The following SHISA9 variants were observed in gnomAD, a reference collection of about 807,000 sequenced individuals.
SHISA9 encodes protein shisa-9.
SHISA9 carries 13 observed loss-of-function variants against 38.0 expected under a neutral mutation model. The ratio of observed to expected loss-of-function variants is 0.34; its 90% CI spans 0.22 to 0.54. The LOEUF is 0.54. Ranked by LOEUF, SHISA9 falls within the 20% of genes least tolerant of loss-of-function variation. The pLI, the probability that SHISA9 is intolerant of heterozygous loss-of-function variation, is 0.91. For synonymous variants in SHISA9, 275 were observed against 242.0 expected (o/e 1.14, Z -1.27); for missense variants, 538 against 575.8 (o/e 0.93, Z 0.67).
At chr16:13,379,069 G>A in the SHISA9 span, among the ~76,000 whole-genome samples, 2 of 150,342 alleles carry the variant, frequency 1.3e-5, no homozygotes, top group African/African-American at 4.9e-5. Flanking sequence ...GATCCAGTAA[G>A]CCCTACCCTC....
intron 2 of SHISA9, among the ~76,000 whole-genome samples, chr16:13,006,486 C>A (rs1352165942): frequency 6.6e-6 from 1 of 152,232 alleles, no homozygotes; most frequent in Non-Finnish European, 1.5e-5. Context: ...GACACAGAGA[C>A]TCTGTCTCCA....
chr16:13,301,325 A>T, the SHISA9 span, among the ~76,000 whole-genome samples: 1 of 152,174 alleles, frequency 6.6e-6, no homozygotes, highest in South Asian at 2.1e-4. Flanking sequence ...CCACTTGGAG[A>T]GTCTTGTTAA....
the SHISA9 span, among the ~76,000 whole-genome samples, chr16:13,262,005 A>G: frequency 1.1e-4 from 17 of 152,192 alleles, no homozygotes; most frequent in Admixed American, 8.5e-4. Flanking sequence ...TAATATGACA[A>G]CAGCTTCAAA....
At chr16:13,135,978 T>A (rs2050345157) in intron 2 of SHISA9, among the ~76,000 whole-genome samples, 1 of 152,208 alleles carries the variant, frequency 6.6e-6, no homozygotes, top group African/African-American at 2.4e-5. Context: ...AACTGAGAGT[T>A]CTGGGCCAGG....
chr16:12,966,196 G>A (rs2071975800), intron 2 of SHISA9, among the ~76,000 whole-genome samples: 1 of 152,180 alleles, frequency 6.6e-6, no homozygotes, highest in Non-Finnish European at 1.5e-5. Flanking sequence ...GAAACTGAAT[G>A]TGTTCTGTGC....
the SHISA9 span, among the ~76,000 whole-genome samples, chr16:13,519,114 A>G: frequency 1.3e-5 from 2 of 152,196 alleles, no homozygotes; most frequent in Non-Finnish European, 2.9e-5. Context: ...AGAAAGAAAA[A>G]AACCTCTAAA....
the SHISA9 span, among the ~76,000 whole-genome samples, chr16:13,481,994 A>G: frequency 1.3e-5 from 2 of 152,164 alleles, no homozygotes; most frequent in African/African-American, 4.8e-5. Flanking sequence ...CACTCTTTAC[A>G]TGCATTCCTT....
At chr16:13,129,945 C>G (rs2050292826) in intron 2 of SHISA9, among the ~76,000 whole-genome samples, 1 of 152,218 alleles carries the variant, frequency 6.6e-6, no homozygotes, top group Non-Finnish European at 1.5e-5. Context: ...CTACACACAA[C>G]TGGGAACCCA....
chr16:13,052,861 G>A (rs1265656801), intron 2 of SHISA9, among the ~76,000 whole-genome samples: 2 of 151,962 alleles, frequency 1.3e-5, no homozygotes, highest in African/African-American at 4.8e-5. Context: ...CCCATCTTTG[G>A]TTGGGGAAAC....
chr16:13,197,409 C>G (rs1567244164), intron 2 of SHISA9, among the ~76,000 whole-genome samples: 2 of 152,132 alleles, frequency 1.3e-5, no homozygotes, highest in African/African-American at 4.8e-5. Context: ...GTATTTATAA[C>G]TGAGCATTTT....
At chr16:13,246,148 T>C in the SHISA9 span, among the ~76,000 whole-genome samples, 1 of 152,258 alleles carries the variant, frequency 6.6e-6, no homozygotes, top group Admixed American at 6.5e-5. Flanking sequence ...CCAAATCTTA[T>C]CTTGAATTGT....
At chr16:13,051,584 A>G (rs985827668) in intron 2 of SHISA9, among the ~76,000 whole-genome samples, 3 of 152,130 alleles carry the variant, frequency 2.0e-5, no homozygotes, top group Non-Finnish European at 4.4e-5. Flanking sequence ...CTTCATGGAA[A>G]TTTAGTGGCA....
chr16:12,965,852 GA>G (rs1243999156), intron 2 of SHISA9, among the ~76,000 whole-genome samples: 3 of 152,194 alleles, frequency 2.0e-5, no homozygotes, highest in Non-Finnish European at 4.4e-5. Context: ...TATTGTAATT[GA>G]AATGAATGAC....
In SHISA9 at chr16:13,019,951, CTTT is replaced by C. The variant is rs1567184268; in HGVS notation, c.691+103137_691+103139del. Among the ~76,000 whole-genome samples the C allele has an allele frequency of 4.5e-4, 48 of 106,068 alleles. 1 individual carries two copies. The highest frequency in any genetic ancestry group is 5.4e-4 in the African/African-American group (16 of 29,422). 69.6% of individuals were successfully genotyped at this position (106,068 alleles called of 152,430 possible). A position where few individuals can be genotyped will look rare whatever the true frequency, so the allele number is the denominator to read the frequency against. Reference sequence around the variant, plus strand: ...TCTTTCTTTCTTTCTTTCTTTCTTTCTTTCTTTCCCTCCTTCTTTCCTTCCTTC... The same window carrying C: ...TCTTTCTTTCTTTCTTTCTTTCTTTCCTTTCCCTCCTTCTTTCCTTCCTTC... On this transcript the variant is annotated intron_variant, in intron 2 of 4. Coordinates refer to ENST00000558583, the MANE Select transcript of SHISA9 (RefSeq NM_001145204.3).
chr16:12,934,611 G>A (rs531309323), intron 2 of SHISA9, among the ~76,000 whole-genome samples: 4 of 152,226 alleles, frequency 2.6e-5, no homozygotes, highest in African/African-American at 9.6e-5. Flanking sequence ...TGGCAAATTC[G>A]TTATGTCTCA....
At chr16:12,968,750 C>G (rs937114875) in intron 2 of SHISA9, among the ~76,000 whole-genome samples, 1 of 152,140 alleles carries the variant, frequency 6.6e-6, no homozygotes, top group East Asian at 1.9e-4. Flanking sequence ...ATATTTTAGG[C>G]TTGTGAGTGA....
the SHISA9 span, among the ~76,000 whole-genome samples, chr16:13,299,747 T>A: frequency 3.6e-4 from 54 of 151,370 alleles, no homozygotes; most frequent in African/African-American, 1.3e-3. Context: ...GACAATTGGC[T>A]TTAAAGTCCA....
At chr16:13,301,445 C>T in the SHISA9 span, among the ~76,000 whole-genome samples, 1 of 152,160 alleles carries the variant, frequency 6.6e-6, no homozygotes. Flanking sequence ...CTTGAAATAC[C>T]GTGAGGTCGA....
At chr16:13,117,706 C>T (rs2074044501) in intron 2 of SHISA9, among the ~76,000 whole-genome samples, 1 of 152,180 alleles carries the variant, frequency 6.6e-6, no homozygotes, top group African/African-American at 2.4e-5. Flanking sequence ...CATGGCCCTG[C>T]CAACAGCCCA....
Sources: allele counts gnomAD v4.1 joint callset (sites outside exome capture counted in the v4.1 genomes callset), GRCh38; gene constraint gnomAD v4.1.1; transcripts MANE v1.5; gene names NCBI Gene and HGNC (gene_info 2026-07-23, HGNC 2026-07-21).